Variants in ARID1B observed in about 807,000 individuals in gnomAD.
ARID1B encodes AT-rich interaction domain 1B.
In ARID1B, 30 loss-of-function variants were observed where a neutral mutation model predicts 212.3. The observed-to-expected ratio is 0.14, with a 90% confidence interval of 0.11 to 0.19. ARID1B has a LOEUF of 0.19. ARID1B is among the 10% of genes least tolerant of loss of function. ARID1B has a pLI of 1.00. For synonymous variants in ARID1B, 1,402 were observed against 1,301.7 expected (o/e 1.08, Z -1.66); for missense variants, 2,891 against 3,204.0 (o/e 0.90, Z 2.36).
chr6:156,856,332 A>G (rs532078275), intron 2 of ARID1B, among the ~76,000 whole-genome samples: 73 of 152,328 alleles, frequency 4.8e-4, no homozygotes, highest in African/African-American at 1.6e-3. Flanking sequence ...TTGAATGATA[A>G]CAACATAAAC....
At chr6:156,928,811 G>A (rs558049575) in intron 3 of ARID1B, among the ~76,000 whole-genome samples, 6 of 152,152 alleles carry the variant, frequency 3.9e-5, no homozygotes, top group South Asian at 2.1e-4. Flanking sequence ...TTTCATTTTC[G>A]CATTTCTTAC....
chr6:157,116,608 A>T (rs1787337529), intron 6 of ARID1B, among the ~76,000 whole-genome samples: 1 of 151,376 alleles, frequency 6.6e-6, no homozygotes, highest in African/African-American at 2.4e-5. Context: ...CCCCTTTCGG[A>T]CACAGATGCA....
In ARID1B at chr6:156,777,800, G is replaced by A. The variant is rs1305627083; in HGVS notation, c.120G>A (p.Leu40=). The A allele has an allele frequency of 2.1e-6, 2 of 964,496 alleles. No individual in the cohort carries two copies. The highest frequency in any genetic ancestry group is 3.6e-5 in the African/African-American group (2 of 55,660). 59.7% of individuals were successfully genotyped at this position (964,496 alleles called of 1,614,324 possible). ...GGCCGGCGCCCGGAGCCCGGGACCT[G>A]GAGGCGGGGGCGCGCGGCGCGGCGG... is the stretch of plus-strand genomic sequence containing the variant. ...GPRPAPGARD[L]EAGARGAAAA... The change falls in exon 1 of 20, where the codon CTG becomes CTA. Residue 40 remains leucine, a synonymous_variant. Transcript: ENST00000636930.
At chr6:156,842,087 C>T (rs1047087716) in intron 2 of ARID1B, among the ~76,000 whole-genome samples, 6 of 152,160 alleles carry the variant, frequency 3.9e-5, no homozygotes, top group African/African-American at 9.7e-5. Flanking sequence ...TTACCTACTA[C>T]GTCTATCACA....
intron 5 of ARID1B, among the ~76,000 whole-genome samples, chr6:157,097,698 C>T (rs185002487): frequency 7.5e-4 from 114 of 152,286 alleles, no homozygotes; most frequent in African/African-American, 2.6e-3. Flanking sequence ...TGTCTCTATC[C>T]GGCAGCACAG....
At chr6:157,102,153 A>G (rs758267050) in intron 5 of ARID1B, among the ~76,000 whole-genome samples, 1 of 152,218 alleles carries the variant, frequency 6.6e-6, no homozygotes, top group Non-Finnish European at 1.5e-5. Context: ...TAATGTAGAA[A>G]GGAATTATCC....
chr6:156,976,333 C>T, intron 4 of ARID1B: 1 of 162,666 alleles, frequency 6.1e-6, no homozygotes, highest in Non-Finnish European at 1.3e-5. Context: ...CGAAAAGAGG[C>T]AAACGCTAGG....
rs760721516 is a variant in ARID1B, at chr6:157,184,374, G to T, written c.3858G>T (p.Pro1286=). The T allele has an allele frequency of 6.2e-7, 1 of 1,614,044 alleles. No homozygotes were observed. The highest frequency in any genetic ancestry group is 8.5e-7 in the Non-Finnish European group (1 of 1,180,046). ...AGATCGAACGTGGGGAGGAGCCCCC[G>T]CCGGAAGTCTTCAGCACCGGGGACA... ...ECKIERGEEP[P]PEVFSTGDTK... Residue 1286 remains proline (P), a synonymous_variant, in exon 13 of 20, where the codon CCG becomes CCT. Transcript: ENST00000636930.
At chr6:156,790,070 G>A (rs895107886) in intron 1 of ARID1B, among the ~76,000 whole-genome samples, 4 of 152,190 alleles carry the variant, frequency 2.6e-5, no homozygotes, top group Non-Finnish European at 5.9e-5. Flanking sequence ...TACCATGGCA[G>A]TTTTCAAATT....
chr6:157,035,080 A>G (rs1397318784), intron 4 of ARID1B, among the ~76,000 whole-genome samples: 2 of 152,156 alleles, frequency 1.3e-5, no homozygotes, highest in African/African-American at 2.4e-5. Flanking sequence ...TAAATTTCAC[A>G]CGAAAGCTTT....
At position 157,201,593 on chromosome 6, in the gene ARID1B, T is replaced by C; in HGVS notation, c.5263+105T>C. 1 of 1,304,400 alleles carries C rather than the reference T, an allele frequency of 7.7e-7. No homozygotes were observed. Among genetic ancestry groups the C allele is most frequent in the Non-Finnish European group, 1.0e-6 (1 of 977,012 alleles). 80.8% of individuals were successfully genotyped at this position (1,304,400 alleles called of 1,614,324 possible). ...TGCTCATCTTAAAGGGATGAAAAAA[T>C]TATGACTAGAAGTTATCAAGATGCG... On this transcript the variant is annotated intron_variant, in intron 18 of 19. Transcript: ENST00000636930. The surrounding 1 kb of genome is among the most constrained non-coding windows in gnomAD (Gnocchi z 5.2).
At chr6:157,051,404 G>A (rs1275534406) in intron 4 of ARID1B, among the ~76,000 whole-genome samples, 6 of 152,014 alleles carry the variant, frequency 3.9e-5, no homozygotes, top group South Asian at 2.1e-4. Context: ...AAATGCTAAC[G>A]GAAAATGCAG....
intron 2 of ARID1B, among the ~76,000 whole-genome samples, chr6:156,897,314 C>T (rs1431149759): frequency 7.2e-6 from 1 of 137,994 alleles, no homozygotes; most frequent in East Asian, 2.1e-4. Context: ...TGCCCTGTCG[C>T]CCAGGCTGGA....
chr6:157,112,729 A>T (rs931651733), intron 6 of ARID1B, among the ~76,000 whole-genome samples: 1 of 152,226 alleles, frequency 6.6e-6, no homozygotes, highest in African/African-American at 2.4e-5. Flanking sequence ...TAGGAAACTT[A>T]GCTAAATCAA....
In ARID1B at chr6:156,779,380, C is replaced by T; in HGVS notation, c.1700C>T (p.Ala567Val). 2 of 1,387,690 alleles carry T rather than the reference C, an allele frequency of 1.4e-6. No individual in the cohort carries two copies. Among genetic ancestry groups the T allele is most frequent in the South Asian group, 1.4e-5 (1 of 70,158 alleles). The allele number at this position is 1,387,690 out of a possible 1,614,324, so 86.0% of individuals were successfully genotyped here. ...GGCAAGGACATGGGCGCCCAGTACGCCGCTGCCAGCCCGGCCTGGGCGGCC... is the reference window on the plus strand; with the variant it reads ...GGCAAGGACATGGGCGCCCAGTACGTCGCTGCCAGCCCGGCCTGGGCGGCC... ...GLGKDMGAQY[A>V]AASPAWAAAQ... is the part of the protein sequence containing the mutation. The change falls in exon 1 of 20, where the codon GCC (alanine) becomes GTC (valine). Residue 567 changes from alanine (A) to valine (V), a missense_variant. Coordinates refer to ENST00000636930, the MANE Select transcript of ARID1B (RefSeq NM_001374828.1).
chr6:157,084,267 G>C (rs180693092), intron 4 of ARID1B, among the ~76,000 whole-genome samples: 11 of 151,946 alleles, frequency 7.2e-5, no homozygotes, highest in African/African-American at 2.7e-4. Context: ...AGGACTCAAA[G>C]CCTGTAGTTT....
intron 7 of ARID1B, among the ~76,000 whole-genome samples, chr6:157,142,698 A>G (rs1415178135): frequency 6.6e-6 from 1 of 152,214 alleles, no homozygotes; most frequent in Non-Finnish European, 1.5e-5. Context: ...AAAATGGTAA[A>G]CATCACTGGC....
intron 4 of ARID1B, chr6:156,941,944 G>C (rs944196301): frequency 9.9e-5 from 15 of 152,116 alleles, no homozygotes; most frequent in African/African-American, 3.6e-4. Context: ...TTCTGAATTC[G>C]TCATAGCTGA....
At chr6:157,180,125 A>T (rs1466014187) in intron 11 of ARID1B, among the ~76,000 whole-genome samples, 1 of 152,174 alleles carries the variant, frequency 6.6e-6, no homozygotes, top group Non-Finnish European at 1.5e-5. Context: ...AAGGGAAGAG[A>T]TACAGTTGGC....
Sources: allele counts gnomAD v4.1 joint callset (sites outside exome capture counted in the v4.1 genomes callset), GRCh38; gene constraint gnomAD v4.1.1; non-coding constraint Gnocchi (gnomAD v3.1); transcripts MANE v1.5; gene names NCBI Gene and HGNC (gene_info 2026-07-23, HGNC 2026-07-21).